The following ROR2 variants were observed in gnomAD, a reference collection of about 807,000 sequenced individuals.
ROR2 encodes the protein ROR family WNT receptor 2.
Under a neutral mutation model 74.9 loss-of-function variants are expected in ROR2, and 33 were observed. The ratio of observed to expected loss-of-function variants is 0.44; its 90% confidence interval spans 0.33 to 0.59. ROR2 has a LOEUF of 0.59. Among genes scored for constraint, ROR2 ranks in the 20% least tolerant of loss-of-function variants. The pLI is 0.02. For missense variants in ROR2, 1,216 were observed against 1,313.8 expected (o/e 0.93, Z 1.15); for synonymous variants, 586 against 558.7 (o/e 1.05, Z -0.69).
chr9:91,838,698 C>G lies in ROR2; in HGVS notation c.98-62880G>C, dbSNP rs970068000. On this transcript the variant is annotated intron_variant, in intron 1 of 8. Coordinates refer to ENST00000375708, the MANE Select transcript of ROR2 (RefSeq NM_004560.4). ...CGAGCACCACGGCCGGCGCAGGAGACCCCGCTGCAGTCGGAAAATAGGATC... is the reference window on the plus strand; with the variant it reads ...CGAGCACCACGGCCGGCGCAGGAGAGCCCGCTGCAGTCGGAAAATAGGATC... Among the ~76,000 whole-genome samples the G allele has an allele frequency of 2.1e-5, 3 of 143,932 alleles. No homozygotes were observed. The Admixed American group carries it at 2.3e-4, about 11-fold the overall frequency. 94.4% of individuals were successfully genotyped at this position (143,932 alleles called of 152,430 possible).
intron 1 of ROR2, among the ~76,000 whole-genome samples, chr9:91,839,395 T>G (rs1199338248): frequency 6.6e-6 from 1 of 151,350 alleles, no homozygotes; most frequent in African/African-American, 2.4e-5. Context: ...ATGTGGTGTG[T>G]GTTGTGAGTG....
chr9:91,903,701 C>A (rs752809719), intron 1 of ROR2, among the ~76,000 whole-genome samples: 1 of 152,114 alleles, frequency 6.6e-6, no homozygotes, highest in South Asian at 2.1e-4. Context: ...CACCCCTTCC[C>A]GGTGAGCATT....
intron 1 of ROR2, among the ~76,000 whole-genome samples, chr9:91,858,052 C>T (rs557430809): frequency 6.6e-6 from 1 of 152,254 alleles, no homozygotes; most frequent in East Asian, 1.9e-4. Flanking sequence ...AGAATCCGGT[C>T]CTAATCCTCC....
intron 1 of ROR2, among the ~76,000 whole-genome samples, chr9:91,844,216 A>C (rs535165550): frequency 2.0e-5 from 3 of 152,340 alleles, no homozygotes; most frequent in African/African-American, 7.2e-5. Flanking sequence ...ATTTTGATTT[A>C]AACTGCTGCC....
chr9:91,722,747 G>A lies in ROR2; in HGVS notation c.*915C>T. 2 of 639,348 alleles carry A rather than the reference G, an allele frequency of 3.1e-6. No homozygotes were observed. The highest frequency in any genetic ancestry group is 5.7e-6 in the Non-Finnish European group (2 of 348,964). 39.6% of individuals were successfully genotyped at this position (639,348 alleles called of 1,614,324 possible). A position where few individuals can be genotyped will look rare whatever the true frequency, so the allele number is the denominator to read the frequency against. On this transcript the variant is annotated 3_prime_UTR_variant, in exon 9 of 9. Coordinates refer to ENST00000375708, the MANE Select transcript of ROR2 (RefSeq NM_004560.4). ...ACCTCATGTGCACGTGGTACAGAGA[G>A]AAGCAAACCAAGACCAACTGGATCC... is the stretch of plus-strand genomic sequence containing the variant.
chr9:91,768,837 G>T (rs1388785822), intron 2 of ROR2, among the ~76,000 whole-genome samples: 1 of 152,136 alleles, frequency 6.6e-6, no homozygotes, highest in East Asian at 1.9e-4. Flanking sequence ...TTTCTTCCAA[G>T]ACCATTCAGT....
rs917311946 is a variant in ROR2 at position 91,779,990 on chromosome 9, T to C, written c.98-4172A>G. The stretch of plus-strand genomic sequence containing the variant: ...GCTGAACCAATTGGTGTCTACAGAA[T>C]GGCCAAAGTGAAAGGGTTCACTGTT... On this transcript the variant is annotated intron_variant, in intron 1 of 8. Transcript: ENST00000375708. 3.3e-5 allele frequency among the ~76,000 whole-genome samples: 5 copies of C among 152,306 alleles called. No homozygotes were observed. In the South Asian group the frequency reaches 8.3e-4, roughly 25 times the overall value.
intron 1 of ROR2, among the ~76,000 whole-genome samples, chr9:91,792,098 G>GA (rs1366399431): frequency 6.6e-6 from 1 of 152,070 alleles, no homozygotes; most frequent in African/African-American, 2.4e-5. Context: ...CTAAAGCAGA[G>GA]AAAAATTTAC....
chr9:91,841,402 G>A (rs1209311573), intron 1 of ROR2, among the ~76,000 whole-genome samples: 1 of 152,226 alleles, frequency 6.6e-6, no homozygotes, highest in Non-Finnish European at 1.5e-5. Context: ...GTCTCGGAAT[G>A]TGGCTTCTGC....
At chr9:91,884,073 G>A (rs763614431) in intron 1 of ROR2, among the ~76,000 whole-genome samples, 7 of 152,192 alleles carry the variant, frequency 4.6e-5, no homozygotes, top group Non-Finnish European at 8.8e-5. Flanking sequence ...TGGAGCTGAA[G>A]GAGTCACCAA....
In ROR2 at chr9:91,723,928, C is replaced by A. The variant is rs758244691; in HGVS notation, c.2566G>T (p.Val856Phe). The A allele has an allele frequency of 2.5e-6, 4 of 1,613,710 alleles. No homozygotes were observed. Among genetic ancestry groups the A allele is most frequent in the South Asian group, 1.1e-5 (1 of 91,086 alleles). The change falls in exon 9 of 9, where the codon GTC (valine) becomes TTC (phenylalanine). Residue 856 changes from valine to phenylalanine, a missense_variant. Val to Phe is a conservative substitution (Grantham distance 50). Transcript: ENST00000375708. ...MAPQQVPPQM[V>F]PKPSSHHSGS... ...CTGTGGTGTGAGCTGGGCTTGGGGA[C>A]CATCTGAGGAGGCACCTGCTGCGGG...
At position 91,723,694 on chromosome 9, in the gene ROR2, C is replaced by A. The variant is rs777259749; in HGVS notation, c.2800G>T (p.Val934Leu). 4 of 1,613,994 alleles carry A rather than the reference C, an allele frequency of 2.5e-6. No homozygotes were observed. In the East Asian group the frequency reaches 6.7e-5, roughly 27 times the overall value. ...TCCAGCTGGACTTGGGCCTCGTCCA[C>A]CTGCAGAGTGTCACAGTCCCCCAGC... ...ELLGDCDTLQ[V>L]DEAQVQLEA Residue 934 changes from valine to leucine, a missense_variant, in exon 9 of 9, where the codon GTG becomes TTG. By Grantham distance (32) the Val-to-Leu change is conservative (BLOSUM62 1). Transcript: ENST00000375708.
intron 1 of ROR2, among the ~76,000 whole-genome samples, chr9:91,840,019 T>C (rs1241576851): frequency 6.6e-5 from 10 of 152,184 alleles, no homozygotes; most frequent in Non-Finnish European, 1.3e-4. Context: ...CACACTGTAC[T>C]GGCCCCCGTT....
intron 8 of ROR2, among the ~76,000 whole-genome samples, chr9:91,726,275 T>C (rs1213358650): frequency 6.6e-6 from 1 of 152,138 alleles, no homozygotes; most frequent in Non-Finnish European, 1.5e-5. Flanking sequence ...GGACACTCGC[T>C]GGGGCCCACA....
At chr9:91,777,202 A>C (rs1826449766) in intron 1 of ROR2, among the ~76,000 whole-genome samples, 1 of 152,242 alleles carries the variant, frequency 6.6e-6, no homozygotes, top group Non-Finnish European at 1.5e-5. Flanking sequence ...CAGATACTGC[A>C]GCCTTCTAAA....
chr9:91,854,851 C>A (rs1265835828), intron 1 of ROR2, among the ~76,000 whole-genome samples: 2 of 152,198 alleles, frequency 1.3e-5, no homozygotes, highest in Non-Finnish European at 2.9e-5. Flanking sequence ...AGCATTGCCA[C>A]CGGCCATTTG....
Position 91,950,065 on chromosome 9 carries a change from C to A in ROR2, c.-102G>T, listed in dbSNP as rs932588990. 120 of 532,048 alleles carry A rather than the reference C, an allele frequency of 2.3e-4. 2 individuals carry two copies. Among genetic ancestry groups the A allele is most frequent in the Middle Eastern group, 1.6e-3 (3 of 1,922 alleles). 33.0% of individuals were successfully genotyped at this position (532,048 alleles called of 1,614,324 possible). On this transcript the variant is annotated 5_prime_UTR_variant, in exon 1 of 9. The change creates a new upstream start codon in the 5' untranslated region. Coordinates refer to ENST00000375708, the MANE Select transcript of ROR2 (RefSeq NM_004560.4). ...ACGATGCGTCCGCTCCTCCTTCTCC[C>A]TGGCGCTTCGCAAACGGGTCCACTT...
At chr9:91,842,678 A>G (rs999927118) in intron 1 of ROR2, among the ~76,000 whole-genome samples, 1 of 152,246 alleles carries the variant, frequency 6.6e-6, no homozygotes, top group Middle Eastern at 3.2e-3. Context: ...ATATTCCAGT[A>G]TCTTAATTCC....
chr9:91,744,361 A>T (rs963936278), intron 4 of ROR2, among the ~76,000 whole-genome samples: 1 of 151,600 alleles, frequency 6.6e-6, no homozygotes, highest in Admixed American at 6.6e-5. Context: ...AGCTGGGACT[A>T]CAGGCAGTCA....
Sources: allele counts gnomAD v4.1 joint callset (sites outside exome capture counted in the v4.1 genomes callset), GRCh38; gene constraint gnomAD v4.1.1; transcripts MANE v1.5; gene names NCBI Gene and HGNC (gene_info 2026-07-23, HGNC 2026-07-21).